DYDC1: variants seen among roughly 807,000 people sequenced by gnomAD.
DYDC1 encodes the protein DPY30 domain-containing protein 1.
In DYDC1, 21 loss-of-function variants were observed where a neutral mutation model predicts 27.9. The observed-to-expected ratio is 0.75, with a 90% CI of 0.53 to 1.08. The LOEUF (loss-of-function observed/expected upper bound fraction) is 1.08, where lower values mean the gene tolerates loss of function less well. Among genes scored for constraint, DYDC1 ranks in the 50% least tolerant of loss-of-function variants. DYDC1 has a pLI of 0.00. For synonymous variants in DYDC1, 67 were observed against 65.8 expected (o/e 1.02, Z -0.09); for missense variants, 202 against 205.9 (o/e 0.98, Z 0.12).
At chr10:80,354,641 G>A in intron 1 of DYDC1, among the ~76,000 whole-genome samples, 1 of 152,140 alleles carries the variant, frequency 6.6e-6, no homozygotes, top group East Asian at 1.9e-4. Flanking sequence ...GAGCCTTTGG[G>A]AAGTGATTAG....
chr10:80,352,934 C>A (rs1019138520), intron 1 of DYDC1, among the ~76,000 whole-genome samples: 1 of 152,112 alleles, frequency 6.6e-6, no homozygotes, highest in Admixed American at 6.5e-5. Context: ...TCACAACATA[C>A]CTGAAAAATG....
intron 3 of DYDC1, among the ~76,000 whole-genome samples, chr10:80,350,800 ATAAAT>A (rs1367623214): frequency 6.6e-6 from 1 of 152,200 alleles, no homozygotes; most frequent in African/African-American, 2.4e-5. Context: ...GAAGCTCTCT[ATAAAT>A]TAAATCAGTC....
chr10:80,347,381 A>G (rs1013725122), intron 3 of DYDC1, among the ~76,000 whole-genome samples: 1 of 144,562 alleles, frequency 6.9e-6, no homozygotes, highest in Non-Finnish European at 1.5e-5. Flanking sequence ...TGGTTCACAA[A>G]TATCTTCTCC....
intron 5 of DYDC1, 138 bp from the exon 6 acceptor site, chr10:80,338,709 T>G: frequency 1.1e-6 from 1 of 888,734 alleles, no homozygotes; most frequent in Non-Finnish European, 1.5e-6. Flanking sequence ...AACCAATTTC[T>G]GTTAATGACA....
At chr10:80,356,500 C>G (rs1843376011) in intron 1 of DYDC1, 2 of 985,296 alleles carry the variant, frequency 2.0e-6, no homozygotes, top group African/African-American at 3.5e-5. Flanking sequence ...TCTCCCGCAG[C>G]CCGCAGGAGA....
In DYDC1 at chr10:80,356,727, T is replaced by G; in HGVS notation, c.-25A>C. ...GTGCGCTCACCCCTACACACGCGCC[T>G]GCTCGCCACCCAGGAGCGGCGTCCC... On this transcript the variant is annotated 5_prime_UTR_variant, in exon 1 of 7. Coordinates refer to ENST00000372202, the MANE Select transcript of DYDC1 (RefSeq NM_001269053.2). 1 of 985,368 alleles carries G rather than the reference T, an allele frequency of 1.0e-6. No individual in the cohort carries two copies. Among genetic ancestry groups the G allele is most frequent in the Non-Finnish European group, 1.2e-6 (1 of 829,920 alleles). 61.0% of individuals were successfully genotyped at this position (985,368 alleles called of 1,614,324 possible).
chr10:80,355,553 T>G (rs1843314387), intron 1 of DYDC1, among the ~76,000 whole-genome samples: 1 of 152,156 alleles, frequency 6.6e-6, no homozygotes, highest in African/African-American at 2.4e-5. Flanking sequence ...CAGCATTATT[T>G]ACAATAGTCA....
At chr10:80,342,027 A>G (rs1282020240) in intron 4 of DYDC1, among the ~76,000 whole-genome samples, 2 of 13,746 alleles carry the variant, frequency 1.5e-4, no homozygotes, top group African/African-American at 1.5e-3. Flanking sequence ...TCCGTCTCAA[A>G]AAAAAAAAAA....
intron 4 of DYDC1, among the ~76,000 whole-genome samples, chr10:80,340,373 G>A (rs894003695): frequency 2.6e-5 from 4 of 152,226 alleles, no homozygotes; most frequent in East Asian, 1.9e-4. Flanking sequence ...AGCAATGGGC[G>A]AGGGAGTGGT....
chr10:80,339,234 T>C (rs1263652962), intron 4 of DYDC1, 81 bp from the exon 5 acceptor site: 1 of 543,486 alleles, frequency 1.8e-6, no homozygotes, highest in African/African-American at 2.0e-5. Flanking sequence ...TTTTTACTTT[T>C]ACACAATGCT....
chr10:80,338,401 C>A, intron 6 of DYDC1, 66 bp downstream of exon 6: 1 of 1,590,776 alleles, frequency 6.3e-7, no homozygotes, highest in Non-Finnish European at 8.5e-7. Flanking sequence ...CTAGGCTTTA[C>A]CTAAGTAAAA....
At chr10:80,348,129 T>C (rs2132807928) in intron 3 of DYDC1, among the ~76,000 whole-genome samples, 1 of 152,358 alleles carries the variant, frequency 6.6e-6, no homozygotes, top group Admixed American at 6.5e-5. Flanking sequence ...CTCAATTTTT[T>C]GCATTAGTGT....
intron 3 of DYDC1, among the ~76,000 whole-genome samples, chr10:80,350,848 C>T (rs559157869): frequency 2.6e-4 from 40 of 152,272 alleles, no homozygotes; most frequent in African/African-American, 9.6e-4. Flanking sequence ...CTCTCTCCAG[C>T]TTGTACTCCA....
chr10:80,350,675 T>C (rs1842928771), intron 3 of DYDC1, among the ~76,000 whole-genome samples: 1 of 152,228 alleles, frequency 6.6e-6, no homozygotes, highest in African/African-American at 2.4e-5. Context: ...TTTCTTTCTA[T>C]CCACATACTC....
At chr10:80,346,017 T>C (rs2132783654) in intron 3 of DYDC1, among the ~76,000 whole-genome samples, 1 of 152,214 alleles carries the variant, frequency 6.6e-6, no homozygotes, top group African/African-American at 2.4e-5. Flanking sequence ...CTGGATAATT[T>C]ATACATTTTT....
chr10:80,355,999 A>AAT (rs1843344981), intron 1 of DYDC1, among the ~76,000 whole-genome samples: 2 of 151,864 alleles, frequency 1.3e-5, no homozygotes, highest in Admixed American at 1.3e-4. Flanking sequence ...AAAAAAAAAA[A>AAT]AAAAAAGGTG....
intron 5 of DYDC1, 24 bp from the exon 6 acceptor site, chr10:80,338,595 A>G: frequency 6.6e-7 from 1 of 1,522,764 alleles, no homozygotes; most frequent in Non-Finnish European, 8.8e-7. Flanking sequence ...ATTGATTTTT[A>G]CTTTTAAATG....
intron 3 of DYDC1, among the ~76,000 whole-genome samples, chr10:80,345,021 A>G (rs1020642268): frequency 6.6e-6 from 1 of 151,218 alleles, no homozygotes; most frequent in Non-Finnish European, 1.5e-5. Flanking sequence ...GTGGAATAGA[A>G]AAAGGCTGAG....
rs1486572169 is a variant in DYDC1, at chr10:80,342,380, G to A, written c.250-19C>T. ...GCTGTTGCTGAATATTCAGAAATAT[G>A]TCATATTACAGTTAGATTAATTGCA... On this transcript the variant is annotated intron_variant, in intron 3 of 6. Coordinates refer to ENST00000372202, the MANE Select transcript of DYDC1 (RefSeq NM_001269053.2). 1.2e-6 allele frequency: 2 copies of A among 1,608,980 alleles called. No homozygotes were observed. Among genetic ancestry groups the A allele is most frequent in the Non-Finnish European group, 8.5e-7 (1 of 1,177,992 alleles).
Sources: allele counts gnomAD v4.1 joint callset (sites outside exome capture counted in the v4.1 genomes callset), GRCh38; gene constraint gnomAD v4.1.1; transcripts MANE v1.5; gene names NCBI Gene and HGNC (gene_info 2026-07-23, HGNC 2026-07-21).